Variants in PRKCB observed in about 807,000 individuals in gnomAD.
PRKCB encodes the protein protein kinase C beta.
Under a neutral mutation model 81.5 loss-of-function variants are expected in PRKCB, and 13 were observed. The observed-to-expected ratio is 0.16, with a 90% CI of 0.10 to 0.25. PRKCB has a LOEUF of 0.25. PRKCB is among the 10% of genes least tolerant of loss of function. The pLI, the probability that PRKCB is intolerant of heterozygous loss-of-function variation, is 1.00. For synonymous variants in PRKCB, 335 were observed against 321.4 expected, an observed-to-expected ratio of 1.04 and a Z score of -0.45; for missense variants, 509 against 875.7, an observed-to-expected ratio of 0.58 and a Z score of 5.29.
At chr16:23,875,498 TA>T (rs71154248) in intron 2 of PRKCB, among the ~76,000 whole-genome samples, 58,116 of 99,118 alleles carry the variant, frequency 0.59, 20,096 homozygotes, top group Admixed American at 0.67. Context: ...TATATATATA[TA>T]TATATATGAT....
intron 12 of PRKCB, among the ~76,000 whole-genome samples, chr16:24,175,127 C>G (rs1967507572): frequency 6.6e-6 from 1 of 152,008 alleles, no homozygotes; most frequent in Non-Finnish European, 1.5e-5. Flanking sequence ...ATATTTCATG[C>G]AAGGCAGACG....
At chr16:23,881,812 G>T in intron 2 of PRKCB, among the ~76,000 whole-genome samples, 1 of 151,300 alleles carries the variant, frequency 6.6e-6, no homozygotes. Context: ...ATACCCACTG[G>T]CAATAACTTC....
Position 24,104,766 on chromosome 16 carries a change from A to T in PRKCB, c.822-8207A>T, listed in dbSNP as rs537362279. Among the ~76,000 whole-genome samples the T allele has an allele frequency of 2.2e-3, 331 of 152,292 alleles. 3 individuals carry two copies. Among genetic ancestry groups the T allele is most frequent in the Non-Finnish European group, 3.8e-4 (26 of 68,028 alleles). On this transcript the variant is annotated intron_variant, in intron 7 of 16. Transcript: ENST00000643927. ...GCACCCGGCAAGTTGGAAGAGCAGT[A>T]AGGAGACTCCTGTAGCTGGAGCTGG...
At chr16:24,021,040 C>CTTTCTTTCTCTT (rs1256784385) in intron 3 of PRKCB, among the ~76,000 whole-genome samples, 1 of 72,302 alleles carries the variant, frequency 1.4e-5, no homozygotes, top group Non-Finnish European at 3.2e-5. Context: ...TTCTTTCTTT[C>CTTTCTTTCTCTT]TCTTTCTTTC....
chr16:24,191,486 G>A (rs73548595), intron 16 of PRKCB: 5,917 of 361,624 alleles, frequency 0.016, 323 homozygotes, highest in African/African-American at 0.11. Context: ...TATTGTAACT[G>A]TCTTAGCTGA....
rs764752711 is a variant in PRKCB, at chr16:24,185,213, G to A, written c.1614+22G>A. ...GCAGGTAATTGAATTTTAAGTGATC[G>A]ATAAGAGAAGTCCTCCCTACCCCCA... On this transcript the variant is annotated intron_variant, in intron 14 of 16. Transcript: ENST00000643927. 27 of 1,597,728 alleles carry A rather than the reference G, an allele frequency of 1.7e-5. No homozygotes were observed. The African/African-American group carries it at 2.5e-4, about 15-fold the overall frequency.
chr16:23,964,511 T>G (rs1420644363), intron 2 of PRKCB, among the ~76,000 whole-genome samples: 1 of 152,228 alleles, frequency 6.6e-6, no homozygotes, highest in Non-Finnish European at 1.5e-5. Context: ...TGGCTCTTGG[T>G]AAGGTTAAAT....
At chr16:23,866,308 G>A (rs1962789398) in intron 2 of PRKCB, among the ~76,000 whole-genome samples, 1 of 152,116 alleles carries the variant, frequency 6.6e-6, no homozygotes, top group Non-Finnish European at 1.5e-5. Context: ...TGATTCTGGA[G>A]TCAGCTAGAT....
chr16:24,057,260 A>C (rs1965914656), intron 5 of PRKCB, among the ~76,000 whole-genome samples: 1 of 152,206 alleles, frequency 6.6e-6, no homozygotes, highest in African/African-American at 2.4e-5. Context: ...CCTATGAAAT[A>C]ATACTATCCC....
chr16:24,171,442 C>A (rs924453333), intron 10 of PRKCB, among the ~76,000 whole-genome samples: 1 of 152,132 alleles, frequency 6.6e-6, no homozygotes, highest in African/African-American at 2.4e-5. Flanking sequence ...TCCTGGAAGT[C>A]ATTCATTGTC....
At chr16:24,204,939 G>C (rs1968020591) in intron 16 of PRKCB, among the ~76,000 whole-genome samples, 1 of 151,886 alleles carries the variant, frequency 6.6e-6, no homozygotes, top group South Asian at 2.1e-4. Flanking sequence ...AGCCAACATA[G>C]TGAAACCCCG....
chr16:24,025,313 C>T (rs1204873274), intron 3 of PRKCB, among the ~76,000 whole-genome samples: 3 of 152,188 alleles, frequency 2.0e-5, no homozygotes, highest in African/African-American at 4.8e-5. Flanking sequence ...CAAAACACTT[C>T]GTCTCTTAGT....
intron 2 of PRKCB, among the ~76,000 whole-genome samples, chr16:23,981,240 C>T (rs113168532): frequency 1.8e-4 from 27 of 152,214 alleles, no homozygotes; most frequent in African/African-American, 6.5e-4. Context: ...AGGCCACCCA[C>T]ATTCCTTGGC....
chr16:24,067,118 T>C (rs1966045439), intron 5 of PRKCB, among the ~76,000 whole-genome samples: 1 of 152,158 alleles, frequency 6.6e-6, no homozygotes, highest in Non-Finnish European at 1.5e-5. Flanking sequence ...TCCTAAAGTG[T>C]TGGGATTACA....
intron 16 of PRKCB, chr16:24,191,482 A>C: frequency 2.6e-6 from 1 of 387,774 alleles, no homozygotes; most frequent in South Asian, 4.9e-5. Flanking sequence ...CAATTATTGT[A>C]ACTGTCTTAG....
chr16:24,013,516 A>C (rs2141839092), intron 3 of PRKCB, among the ~76,000 whole-genome samples: 1 of 152,298 alleles, frequency 6.6e-6, no homozygotes, highest in East Asian at 1.9e-4. Flanking sequence ...GTCGTTGAGG[A>C]TCAAATTAGT....
rs1964011565 is a variant in PRKCB, at chr16:23,933,726, TATCCATCCATCCATTCGTCC to T, written c.206-54774_206-54755del. On this transcript the variant is annotated intron_variant, in intron 2 of 16. Transcript: ENST00000643927. ...CCATCCATCCATTCATCCATCCATC[TATCCATCCATCCATTCGTCC>T]ATCCATCTATCCATCTATCCACTCC... is the stretch of plus-strand genomic sequence containing the variant. Among the ~76,000 whole-genome samples, 5 of 136,112 alleles carry T rather than the reference TATCCATCCATCCATTCGTCC, an allele frequency of 3.7e-5. No homozygotes were observed. In the South Asian group the frequency reaches 1.3e-3, roughly 34 times the overall value. 89.3% of individuals were successfully genotyped at this position (136,112 alleles called of 152,430 possible).
chr16:24,113,908 C>G (rs1297594946), intron 8 of PRKCB, among the ~76,000 whole-genome samples: 2 of 151,894 alleles, frequency 1.3e-5, no homozygotes, highest in Non-Finnish European at 2.9e-5. Context: ...GAATGGTAGT[C>G]ATGGTGAATG....
intron 2 of PRKCB, among the ~76,000 whole-genome samples, chr16:23,879,241 A>G (rs2141106397): frequency 6.6e-6 from 1 of 151,394 alleles, no homozygotes; most frequent in African/African-American, 2.4e-5. Context: ...GCTGGTTTTC[A>G]TGTTTTGTGG....
Sources: allele counts gnomAD v4.1 joint callset (sites outside exome capture counted in the v4.1 genomes callset), GRCh38; gene constraint gnomAD v4.1.1; transcripts MANE v1.5; gene names NCBI Gene and HGNC (gene_info 2026-07-23, HGNC 2026-07-21).